MACROD2: variants seen among roughly 807,000 people sequenced by gnomAD.
The protein encoded by MACROD2 is mono-ADP ribosylhydrolase 2.
In MACROD2, 36 loss-of-function variants were observed where a neutral mutation model predicts 70.4. The observed-to-expected ratio is 0.51, with a 90% CI of 0.39 to 0.68. MACROD2 has a LOEUF of 0.68. Among genes scored for constraint, MACROD2 ranks in the 30% least tolerant of loss-of-function variants. The pLI is 0.00. For missense variants in MACROD2, 496 were observed against 538.4 expected, an observed-to-expected ratio of 0.92 and a Z score of 0.78; for synonymous variants, 172 against 178.8, an observed-to-expected ratio of 0.96 and a Z score of 0.30.
intron 8 of MACROD2, among the ~76,000 whole-genome samples, chr20:15,573,189 T>TA (rs1326451236): frequency 6.6e-6 from 1 of 152,172 alleles, no homozygotes; most frequent in Non-Finnish European, 1.5e-5. Flanking sequence ...TAAACTATGG[T>TA]GTTTTCCCAT....
chr20:15,082,453 A>G (rs1387027863), intron 5 of MACROD2, among the ~76,000 whole-genome samples: 1 of 148,326 alleles, frequency 6.7e-6, no homozygotes, highest in Non-Finnish European at 1.5e-5. Context: ...TTAGTCTCGT[A>G]TTCTTGAAGT....
intron 16 of MACROD2, among the ~76,000 whole-genome samples, chr20:16,043,402 A>G (rs748048832): frequency 1.6e-4 from 24 of 152,084 alleles, no homozygotes; most frequent in Admixed American, 3.3e-4. Flanking sequence ...GAGGTTTTAC[A>G]TCAGAATTCT....
At chr20:15,982,531 G>C (rs1807085279) in intron 13 of MACROD2, among the ~76,000 whole-genome samples, 1 of 152,058 alleles carries the variant, frequency 6.6e-6, no homozygotes, top group Non-Finnish European at 1.5e-5. Flanking sequence ...CACTTTGCAG[G>C]GGTGGGTGAA....
At chr20:15,375,580 TCAGATACCG>T (rs2045551213) in intron 6 of MACROD2, among the ~76,000 whole-genome samples, 1 of 152,146 alleles carries the variant, frequency 6.6e-6, no homozygotes. Context: ...AAGGCTTGGA[TCAGATACCG>T]CTCAACTTCT....
chr20:15,196,886 G>T (rs775910554), intron 5 of MACROD2: 15 of 985,372 alleles, frequency 1.5e-5, no homozygotes, highest in Non-Finnish European at 1.8e-5. Context: ...ACAGGCTCAG[G>T]CCTTACCAGG....
intron 5 of MACROD2, among the ~76,000 whole-genome samples, chr20:14,999,697 A>G (rs2074977831): frequency 6.6e-6 from 1 of 151,730 alleles, no homozygotes; most frequent in Non-Finnish European, 1.5e-5. Context: ...AGGAGAATGA[A>G]GTTAAAATGT....
chr20:14,560,177 G>GT (rs1187532663), intron 4 of MACROD2, among the ~76,000 whole-genome samples: 10 of 151,758 alleles, frequency 6.6e-5, no homozygotes, highest in Non-Finnish European at 1.3e-4. Context: ...CCTTTTAAAA[G>GT]TAAGATGATT....
chr20:14,149,517 T>G (rs996384774), intron 3 of MACROD2, among the ~76,000 whole-genome samples: 2 of 152,166 alleles, frequency 1.3e-5, no homozygotes, highest in African/African-American at 4.8e-5. Flanking sequence ...GTAATGAGAT[T>G]GGTGGGTCAA....
At chr20:14,957,336 G>C (rs1231539328) in intron 5 of MACROD2, among the ~76,000 whole-genome samples, 1 of 152,040 alleles carries the variant, frequency 6.6e-6, no homozygotes, top group Non-Finnish European at 1.5e-5. Flanking sequence ...ATGTAATACT[G>C]AAAAGGAGAC....
chr20:14,856,974 G>A (rs906531744), intron 5 of MACROD2, among the ~76,000 whole-genome samples: 2 of 151,310 alleles, frequency 1.3e-5, no homozygotes, highest in African/African-American at 4.9e-5. Context: ...TGCTTGTAAA[G>A]CCAATTAATT....
chr20:14,138,763 C>CCA (rs11469437), intron 3 of MACROD2, among the ~76,000 whole-genome samples: 4,192 of 147,026 alleles, frequency 0.029, 89 homozygotes, highest in African/African-American at 0.062. Flanking sequence ...CTTAAGTTTT[C>CCA]CACACACACA....
intron 3 of MACROD2, among the ~76,000 whole-genome samples, chr20:14,392,648 G>A (rs2083539489): frequency 6.6e-6 from 1 of 152,126 alleles, no homozygotes; most frequent in Non-Finnish European, 1.5e-5. Flanking sequence ...TTTGCCATGA[G>A]TTAAATATTA....
Position 14,215,335 on chromosome 20 carries a change from T to TACACAC in MACROD2, c.271+129608_271+129609insCACACA, listed in dbSNP as rs1310041778. On this transcript the variant is annotated intron_variant, in intron 3 of 17. Coordinates refer to ENST00000684519, the MANE Select transcript of MACROD2 (RefSeq NM_001351661.2). ...CATCATATATATCTATGCCATCATA[T>TACACAC]ATACACACACACACACACACACACA... Among the ~76,000 whole-genome samples the TACACAC allele has an allele frequency of 6.1e-3, 619 of 101,680 alleles. 2 individuals are homozygous for TACACAC. Among genetic ancestry groups the TACACAC allele is most frequent in the East Asian group, 0.033 (118 of 3,590 alleles). The allele number at this position is 101,680 out of a possible 152,430, so 66.7% of individuals were successfully genotyped here. A position where few individuals can be genotyped will look rare whatever the true frequency, so the allele number is the denominator to read the frequency against.
intron 3 of MACROD2, among the ~76,000 whole-genome samples, chr20:14,432,577 A>C (rs2084006884): frequency 6.6e-6 from 1 of 152,122 alleles, no homozygotes; most frequent in African/African-American, 2.4e-5. Flanking sequence ...GAGCCCACTT[A>C]ATAGTTGTTA....
chr20:14,896,508 T>C (rs1258294151), intron 5 of MACROD2, among the ~76,000 whole-genome samples: 2 of 152,158 alleles, frequency 1.3e-5, no homozygotes, highest in Non-Finnish European at 2.9e-5. Flanking sequence ...CCCTTGTCTA[T>C]TTGTTTGCAG....
chr20:14,229,194 C>T (rs187467025), intron 3 of MACROD2, among the ~76,000 whole-genome samples: 9 of 152,208 alleles, frequency 5.9e-5, no homozygotes, highest in African/African-American at 2.2e-4. Flanking sequence ...ACACCAAAAA[C>T]ACTGTACATG....
intron 5 of MACROD2, among the ~76,000 whole-genome samples, chr20:15,009,484 T>C (rs1159131914): frequency 2.0e-5 from 3 of 152,142 alleles, no homozygotes; most frequent in African/African-American, 7.2e-5. Context: ...GTGTATCTTC[T>C]CACACTTGAT....
At chr20:15,938,886 AC>A (rs2065707712) in intron 12 of MACROD2, among the ~76,000 whole-genome samples, 3 of 152,204 alleles carry the variant, frequency 2.0e-5, no homozygotes, top group African/African-American at 7.2e-5. Context: ...AGAAACTGAA[AC>A]AGCCTTATTG....
chr20:15,339,838 T>C (rs1231845620), intron 6 of MACROD2, among the ~76,000 whole-genome samples: 3 of 151,752 alleles, frequency 2.0e-5, no homozygotes, highest in African/African-American at 7.3e-5. Flanking sequence ...GGCCTGATTT[T>C]ATGATTCAAA....
Sources: allele counts gnomAD v4.1 joint callset (sites outside exome capture counted in the v4.1 genomes callset), GRCh38; gene constraint gnomAD v4.1.1; transcripts MANE v1.5; gene names NCBI Gene and HGNC (gene_info 2026-07-23, HGNC 2026-07-21).